Variants in TANC1 observed in about 807,000 individuals in gnomAD.
TANC1 encodes tetratricopeptide repeat, ankyrin repeat and coiled-coil containing 1, also known as protein TANC1.
TANC1 carries 77 observed loss-of-function variants against 149.7 expected under a neutral mutation model. The observed-to-expected ratio is 0.51, with a 90% CI of 0.43 to 0.62. The LOEUF (loss-of-function observed/expected upper bound fraction) is 0.62, where lower values mean the gene tolerates loss of function less well. TANC1 is among the 20% of genes least tolerant of loss of function. The pLI, the probability that TANC1 is intolerant of heterozygous loss-of-function variation, is 0.00. For synonymous variants in TANC1, 854 were observed against 925.0 expected, an observed-to-expected ratio of 0.92 and a Z score of 1.39; for missense variants, 1,985 against 2,321.8, an observed-to-expected ratio of 0.85 and a Z score of 2.98.
chr2:159,204,917 C>T (rs1051749783), intron 19 of TANC1, among the ~76,000 whole-genome samples: 10 of 152,176 alleles, frequency 6.6e-5, no homozygotes, highest in South Asian at 2.1e-4. Context: ...TTGTGTAGCG[C>T]ATTGAAGCAA....
intron 5 of TANC1, among the ~76,000 whole-genome samples, chr2:159,140,686 A>AC (rs2051261675): frequency 9.1e-6 from 1 of 109,802 alleles, no homozygotes; most frequent in South Asian, 3.2e-4. Flanking sequence ...GAGATTCTCT[A>AC]TTTTTTTTTT....
In TANC1 at chr2:159,169,232, T is replaced by C; in HGVS notation, c.947-18T>C. 1 of 1,610,130 alleles carries C rather than the reference T, an allele frequency of 6.2e-7. No individual in the cohort carries two copies. The highest frequency in any genetic ancestry group is 8.5e-7 in the Non-Finnish European group (1 of 1,176,648). On this transcript the variant is annotated intron_variant, in intron 8 of 26. Coordinates refer to ENST00000263635, the MANE Select transcript of TANC1 (RefSeq NM_033394.3). ...AAAGTCACCTTTGAAGATACTAAACTTCAGTTTAATATTACAGCAACAAGC... is the reference window on the plus strand; with the variant it reads ...AAAGTCACCTTTGAAGATACTAAACCTCAGTTTAATATTACAGCAACAAGC...
At chr2:159,212,485 A>C (rs1172829468) in intron 19 of TANC1, among the ~76,000 whole-genome samples, 1 of 152,222 alleles carries the variant, frequency 6.6e-6, no homozygotes, top group Non-Finnish European at 1.5e-5. Context: ...TACCCTTCAC[A>C]GTTCTTGGGA....
intron 19 of TANC1, among the ~76,000 whole-genome samples, chr2:159,207,788 G>A (rs6709296): frequency 6.7e-6 from 1 of 149,990 alleles, no homozygotes; most frequent in Admixed American, 6.7e-5. Flanking sequence ...GTTTAATTTC[G>A]GAGGCTTATT....
At chr2:159,025,133 GCTTT>G (rs1026047000) in intron 2 of TANC1, among the ~76,000 whole-genome samples, 36 of 150,152 alleles carry the variant, frequency 2.4e-4, no homozygotes, top group Admixed American at 1.4e-3. Context: ...TTCCTTTCTT[GCTTT>G]CTTTTTCTTT....
chr2:158,973,278 C>T (rs1206562649), intron 1 of TANC1, among the ~76,000 whole-genome samples: 1 of 152,168 alleles, frequency 6.6e-6, no homozygotes, highest in Non-Finnish European at 1.5e-5. Context: ...GTGACTCAAC[C>T]TCTTCCCTGC....
At chr2:159,070,461 T>C (rs1463809755) in intron 3 of TANC1, among the ~76,000 whole-genome samples, 1 of 152,210 alleles carries the variant, frequency 6.6e-6, no homozygotes, top group East Asian at 1.9e-4. Context: ...ACTCTTGATA[T>C]TGTGTATTCT....
chr2:159,185,385 T>C (rs913428966), intron 14 of TANC1, among the ~76,000 whole-genome samples: 1 of 152,254 alleles, frequency 6.6e-6, no homozygotes, highest in African/African-American at 2.4e-5. Context: ...AGCCTTCTTC[T>C]CACCACAAGG....
intron 1 of TANC1, among the ~76,000 whole-genome samples, chr2:158,988,378 G>A (rs2035253549): frequency 6.6e-6 from 1 of 151,578 alleles, no homozygotes; most frequent in Non-Finnish European, 1.5e-5. Context: ...CAGCTTGTGT[G>A]TCTTTTTTGT....
chr2:158,993,746 C>T (rs1310789931), intron 1 of TANC1, among the ~76,000 whole-genome samples: 2 of 152,034 alleles, frequency 1.3e-5, no homozygotes, highest in African/African-American at 2.4e-5. Flanking sequence ...TTCTCTTCTT[C>T]GAACTTTCAA....
chr2:159,146,124 C>T (rs188022912), intron 5 of TANC1, among the ~76,000 whole-genome samples: 3 of 152,182 alleles, frequency 2.0e-5, no homozygotes, highest in African/African-American at 7.2e-5. Context: ...CATTTCACAG[C>T]GTGTCCATGT....
chr2:159,037,064 A>AGATGG (rs2149506620), intron 2 of TANC1, among the ~76,000 whole-genome samples: 1 of 152,320 alleles, frequency 6.6e-6, no homozygotes, highest in East Asian at 1.9e-4. Flanking sequence ...AACTGGTGTG[A>AGATGG]GATGGTATCT....
chr2:158,970,039 A>G (rs1172931940), intron 1 of TANC1, among the ~76,000 whole-genome samples: 1 of 150,784 alleles, frequency 6.6e-6, no homozygotes, highest in Non-Finnish European at 1.5e-5. Context: ...TGGCGCGGAA[A>G]GGAAGTTCCT....
At chr2:159,072,708 G>A (rs1055408659) in intron 3 of TANC1, among the ~76,000 whole-genome samples, 1 of 151,766 alleles carries the variant, frequency 6.6e-6, no homozygotes, top group Non-Finnish European at 1.5e-5. Context: ...ATGGCACATG[G>A]ATACATATGT....
At chr2:158,970,388 C>A (rs1293284300) in intron 1 of TANC1, among the ~76,000 whole-genome samples, 1 of 152,134 alleles carries the variant, frequency 6.6e-6, no homozygotes, top group African/African-American at 2.4e-5. Context: ...AGATCTGCTA[C>A]TAGGAAGATT....
chr2:159,176,314 A>G (rs2055854030), intron 12 of TANC1, 38 bp from the exon 13 acceptor site: 3 of 1,260,214 alleles, frequency 2.4e-6, no homozygotes, highest in South Asian at 1.5e-5. Flanking sequence ...AGAGAAATGT[A>G]TAATTTCTTA....
At position 159,175,040 on chromosome 2, in the gene TANC1, C is replaced by T. The variant is rs1015395067; in HGVS notation, c.1591C>T (p.Arg531Trp). Residue 531 changes from arginine (R) to tryptophan (W), a missense_variant, in exon 12 of 27, where the codon CGG becomes TGG. By Grantham distance (101) the Arg-to-Trp change is moderately radical (BLOSUM62 -3). Transcript: ENST00000263635. ...FVHSIAALLC[R>W]SHQLAAYRDL... ...GCACAGCATCGCAGCTTTGCTCTGC[C>T]GGTCCCATCAGCTGGCCGCCTACAG... 1.9e-5 allele frequency: 31 copies of T among 1,614,046 alleles called. No individual in the cohort carries two copies. The highest frequency in any genetic ancestry group is 5.3e-5 in the African/African-American group (4 of 74,908).
intron 5 of TANC1, among the ~76,000 whole-genome samples, chr2:159,142,838 C>T (rs936183867): frequency 2.0e-5 from 3 of 151,118 alleles, no homozygotes; most frequent in East Asian, 1.9e-4. Flanking sequence ...CCAAGGCGGG[C>T]GGATTGCCTG....
chr2:159,106,351 A>G (rs1409073252), intron 4 of TANC1, among the ~76,000 whole-genome samples: 4 of 152,184 alleles, frequency 2.6e-5, no homozygotes, highest in African/African-American at 9.6e-5. Flanking sequence ...CCTGGTAACC[A>G]CGAGTCTACT....
Sources: gnomAD v4.1 joint callset for allele counts (sites outside exome capture counted in the v4.1 genomes callset) on GRCh38, gnomAD v4.1.1 for gene constraint, MANE v1.5 for transcripts, NCBI Gene and HGNC (gene_info 2026-07-23, HGNC 2026-07-21) for gene names.